RASAL2: variants seen among roughly 807,000 people sequenced by gnomAD.
RASAL2 encodes the protein RAS protein activator like 2.
RASAL2 carries 58 observed loss-of-function variants against 128.9 expected under a neutral mutation model. That is an observed-to-expected ratio of 0.45 (90% CI 0.36 to 0.56). The LOEUF (loss-of-function observed/expected upper bound fraction) is 0.56. RASAL2 is among the 20% of genes least tolerant of loss of function. RASAL2 has a pLI of 0.00. For missense variants in RASAL2, 1,360 were observed against 1,601.6 expected, an observed-to-expected ratio of 0.85 and a Z score of 2.57; for synonymous variants, 561 against 580.8, an observed-to-expected ratio of 0.97 and a Z score of 0.49.
At chr1:178,285,419 C>T (rs553919581) in intron 2 of RASAL2, among the ~76,000 whole-genome samples, 13 of 152,082 alleles carry the variant, frequency 8.5e-5, no homozygotes, top group Non-Finnish European at 1.5e-4. Context: ...CGCGCCCGGC[C>T]GGCATTGCTA....
Position 178,473,127 on chromosome 1 carries a change from T to A in RASAL2, c.3731T>A (p.Leu1244Gln). ...DSANTRLMSALTQVKERYSMQ... is the reference protein window; with the variant it reads ...DSANTRLMSAQTQVKERYSMQ... ...GCCAACACCAGACTGATGAGCGCGC[T>A]GACCCAAGTGAAGGAGCGGTACAGC... The change falls in exon 18 of 18, where the codon CTG (leucine) becomes CAG (glutamine). Residue 1244 changes from leucine (L) to glutamine (Q), a missense_variant. Coordinates refer to ENST00000367649, the MANE Select transcript of RASAL2 (RefSeq NM_170692.4). 1 of 1,614,154 alleles carries A rather than the reference T, an allele frequency of 6.2e-7. No homozygotes were observed. The highest frequency in any genetic ancestry group is 8.5e-7 in the Non-Finnish European group (1 of 1,180,016).
At chr1:178,126,520 C>G (rs1440634528) in intron 1 of RASAL2, among the ~76,000 whole-genome samples, 4 of 152,134 alleles carry the variant, frequency 2.6e-5, no homozygotes, top group African/African-American at 9.7e-5. Context: ...AAAGAAACAC[C>G]ATTCTTTTAG....
At chr1:178,356,498 TGTA>T (rs1670819096) in intron 3 of RASAL2, among the ~76,000 whole-genome samples, 3 of 152,284 alleles carry the variant, frequency 2.0e-5, no homozygotes, top group Non-Finnish European at 4.4e-5. Flanking sequence ...GACATCATCA[TGTA>T]GTAAAATGAA....
intron 1 of RASAL2, among the ~76,000 whole-genome samples, chr1:178,136,057 CT>C (rs1660315313): frequency 6.6e-6 from 1 of 152,126 alleles, no homozygotes; most frequent in South Asian, 2.1e-4. Flanking sequence ...GAATAAATAG[CT>C]ATTGTTTTTT....
intron 1 of RASAL2, among the ~76,000 whole-genome samples, chr1:178,128,097 A>G (rs1249577230): frequency 1.3e-5 from 2 of 152,054 alleles, no homozygotes; most frequent in Non-Finnish European, 2.9e-5. Context: ...AGGTTCATCA[A>G]CCCGGTTCTT....
At chr1:178,119,056 C>T (rs1351174069) in intron 1 of RASAL2, among the ~76,000 whole-genome samples, 2 of 152,088 alleles carry the variant, frequency 1.3e-5, no homozygotes, top group African/African-American at 4.8e-5. Flanking sequence ...TTAGTAGAGA[C>T]AGGGTTTCAC....
intron 1 of RASAL2, among the ~76,000 whole-genome samples, chr1:178,124,655 T>G (rs1659834109): frequency 6.6e-6 from 1 of 152,214 alleles, no homozygotes; most frequent in South Asian, 2.1e-4. Context: ...AAACCTAAGT[T>G]TTCTTTCAAC....
intron 3 of RASAL2, among the ~76,000 whole-genome samples, chr1:178,383,401 G>T (rs1024570394): frequency 1.3e-5 from 2 of 152,138 alleles, no homozygotes; most frequent in African/African-American, 4.8e-5. Flanking sequence ...ACTGAAAATG[G>T]TGGATGAAGT....
intron 1 of RASAL2, among the ~76,000 whole-genome samples, chr1:178,144,758 A>G (rs1464007320): frequency 6.6e-6 from 1 of 152,226 alleles, no homozygotes; most frequent in Non-Finnish European, 1.5e-5. Context: ...ATCACTATTC[A>G]GTTTTGATAA....
chr1:178,358,721 G>T (rs1346291464), intron 3 of RASAL2, among the ~76,000 whole-genome samples: 1 of 152,084 alleles, frequency 6.6e-6, no homozygotes, highest in Non-Finnish European at 1.5e-5. Context: ...GAAAAAGTTT[G>T]GCATTGCTGA....
rs751003208 is a variant in RASAL2 at position 178,439,554 on chromosome 1, T to A, written c.807T>A (p.Leu269=). 1 of 1,611,426 alleles carries A rather than the reference T, an allele frequency of 6.2e-7. No homozygotes were observed. Among genetic ancestry groups the A allele is most frequent in the South Asian group, 1.1e-5 (1 of 90,472 alleles). The change falls in exon 6 of 18, where the codon CTT becomes CTA. Residue 269 remains leucine, a synonymous_variant. Transcript: ENST00000367649. ...TGAAACCACTTCATAGTAGCATCCT[T>A]GGACAAGACTTCTGCTTTGAGGTAA... The part of the protein sequence containing the change: ...VSVKPLHSSI[L]GQDFCFEVTY...
chr1:178,278,121 A>G (rs1445330220), intron 1 of RASAL2, among the ~76,000 whole-genome samples: 5 of 152,182 alleles, frequency 3.3e-5, no homozygotes, highest in South Asian at 2.1e-4. Context: ...TTACAGTTCA[A>G]TGCAAAGGCT....
chr1:178,249,697 G>A (rs986443548), intron 1 of RASAL2, among the ~76,000 whole-genome samples: 3 of 152,104 alleles, frequency 2.0e-5, no homozygotes, highest in Non-Finnish European at 2.9e-5. Flanking sequence ...TGATCTTTGA[G>A]TCCAATGACC....
At chr1:178,411,953 CA>C (rs1674418815) in intron 4 of RASAL2, 1 of 607,820 alleles carries the variant, frequency 1.6e-6, no homozygotes, top group East Asian at 2.8e-5. Flanking sequence ...TTGAGGACAT[CA>C]CCCCCCATCC....
chr1:178,397,405 T>G (rs1673307304), intron 4 of RASAL2, among the ~76,000 whole-genome samples: 1 of 152,186 alleles, frequency 6.6e-6, no homozygotes, highest in South Asian at 2.1e-4. Flanking sequence ...TCCATTTATA[T>G]GAGATGTTCA....
chr1:178,335,125 A>G (rs1477876889), intron 3 of RASAL2, among the ~76,000 whole-genome samples: 1 of 152,152 alleles, frequency 6.6e-6, no homozygotes, highest in Non-Finnish European at 1.5e-5. Flanking sequence ...AGTAATAAGT[A>G]GAAGTACCAC....
intron 3 of RASAL2, among the ~76,000 whole-genome samples, chr1:178,361,657 C>T (rs1671113094): frequency 6.6e-6 from 1 of 151,958 alleles, no homozygotes; most frequent in African/African-American, 2.4e-5. Flanking sequence ...CTTTTTGGCA[C>T]CAGGGTCTGG....
At chr1:178,301,893 G>A (rs1321427708) in intron 3 of RASAL2, among the ~76,000 whole-genome samples, 2 of 152,094 alleles carry the variant, frequency 1.3e-5, no homozygotes, top group African/African-American at 4.8e-5. Context: ...TACAGTGTTC[G>A]AGGTACTGGC....
At chr1:178,160,853 G>A (rs1426012939) in intron 1 of RASAL2, among the ~76,000 whole-genome samples, 2 of 152,086 alleles carry the variant, frequency 1.3e-5, no homozygotes, top group African/African-American at 4.8e-5. Flanking sequence ...TTAAGAGAGC[G>A]TATTTAAACT....
Sources: gnomAD v4.1 joint callset for allele counts (sites outside exome capture counted in the v4.1 genomes callset) on GRCh38, gnomAD v4.1.1 for gene constraint, MANE v1.5 for transcripts, NCBI Gene and HGNC (gene_info 2026-07-23, HGNC 2026-07-21) for gene names.